The following TERB1 variants were observed in gnomAD, a reference collection of about 807,000 sequenced individuals.
TERB1 encodes the protein telomere repeat binding bouquet formation protein 1.
A neutral mutation model predicts 92.3 loss-of-function variants in TERB1; 63 were observed. That is an observed-to-expected ratio of 0.68 (90% CI 0.56 to 0.84). TERB1 has a LOEUF of 0.84. TERB1 is among the 40% of genes least tolerant of loss of function. The probability of loss-of-function intolerance (pLI) is 0.00; values close to 1 mark genes in which losing one functional copy is unlikely to be tolerated. For missense variants in TERB1, 709 were observed against 843.7 expected (o/e 0.84, Z 1.98); for synonymous variants, 252 against 283.9 (o/e 0.89, Z 1.13).
chr16:66,789,440 C>T lies in TERB1; in HGVS notation c.272-1143G>A, dbSNP rs565269400. 5.8e-4 allele frequency among the ~76,000 whole-genome samples: 45 copies of T among 77,186 alleles called. 13 individuals are homozygous for T. Among genetic ancestry groups the T allele is most frequent in the African/African-American group, 2.6e-3 (39 of 14,830 alleles). 50.6% of individuals were successfully genotyped at this position (77,186 alleles called of 152,430 possible). On this transcript the variant is annotated intron_variant, in intron 5 of 18. Transcript: ENST00000433154. ...TCTACTAAAAATACAAAAAATTAGCCGGGCGTGGTAGCGGGCGCCTGTAGT... is the reference window on the plus strand; with the variant it reads ...TCTACTAAAAATACAAAAAATTAGCTGGGCGTGGTAGCGGGCGCCTGTAGT...
intron 16 of TERB1, among the ~76,000 whole-genome samples, chr16:66,764,068 T>A (rs1417815209): frequency 8.1e-6 from 1 of 122,904 alleles, no homozygotes; most frequent in Admixed American, 8.5e-5. Context: ...TTGAAAGCCA[T>A]GCTAAGGAAT....
At chr16:66,777,157 C>A in intron 11 of TERB1, 46 bp downstream of exon 11, 5 of 1,458,468 alleles carry the variant, frequency 3.4e-6, no homozygotes, top group South Asian at 2.9e-5. Flanking sequence ...AAGTATATTT[C>A]CGCTTTACTA....
chr16:66,774,772 C>A (rs534864164), intron 12 of TERB1, among the ~76,000 whole-genome samples: 5 of 151,864 alleles, frequency 3.3e-5, no homozygotes, highest in Non-Finnish European at 5.9e-5. Flanking sequence ...CAGCCTCGAC[C>A]TGAGCAACTC....
At chr16:66,770,694 G>A (rs776308026) in intron 13 of TERB1, among the ~76,000 whole-genome samples, 2 of 151,666 alleles carry the variant, frequency 1.3e-5, no homozygotes, top group African/African-American at 2.4e-5. Flanking sequence ...TAATATACTC[G>A]ACCACATAAA....
intron 9 of TERB1, among the ~76,000 whole-genome samples, chr16:66,780,252 T>C (rs911259963): frequency 1.3e-5 from 2 of 152,288 alleles, no homozygotes; most frequent in East Asian, 3.9e-4. Context: ...TATTTTCATT[T>C]TTTAAAAATC....
chr16:66,767,086 T>C (rs757457), intron 16 of TERB1, among the ~76,000 whole-genome samples: 76,331 of 151,124 alleles, frequency 0.51, 20,080 homozygotes, highest in African/African-American at 0.64. Context: ...ACCAGCACTT[T>C]GAGAGGCTGA....
At position 66,754,960 on chromosome 16, in the gene TERB1, GAC is replaced by G; in HGVS notation, c.*14_*15del. On this transcript the variant is annotated 3_prime_UTR_variant, in exon 19 of 19. Coordinates refer to ENST00000433154, the MANE Select transcript of TERB1 (RefSeq NM_001136505.2). ...ATTTTAAGAATCCAAACTAAAAACT[GAC>G]AGTCTTCTTTCAATCAAGAAGCTGC... 6.5e-7 allele frequency: 1 copy of G among 1,535,124 alleles called. No individual in the cohort carries two copies. The highest frequency in any genetic ancestry group is 8.7e-7 in the Non-Finnish European group (1 of 1,142,958).
chr16:66,794,914 A>ACACACACACAC (rs1316374992), intron 3 of TERB1, among the ~76,000 whole-genome samples: 7,742 of 82,424 alleles, frequency 0.094, 420 homozygotes, highest in African/African-American at 0.16. Context: ...CGTCTCAAAA[A>ACACACACACAC]AAAAAAAAAC....
chr16:66,775,925 TG>T (rs933804448), intron 11 of TERB1, among the ~76,000 whole-genome samples: 1 of 151,908 alleles, frequency 6.6e-6, no homozygotes, highest in African/African-American at 2.4e-5. Context: ...CTCACCAAGC[TG>T]GTCTTGAACT....
At chr16:66,784,741 AT>A (rs1331360285) in intron 9 of TERB1, among the ~76,000 whole-genome samples, 1 of 140,072 alleles carries the variant, frequency 7.1e-6, no homozygotes, top group Non-Finnish European at 1.5e-5. Context: ...ATTTCTTTTA[AT>A]TTTTAATTTT....
upstream of TERB1, chr16:66,801,680 C>T (rs924121749): frequency 1.3e-5 from 2 of 152,202 alleles, no homozygotes; most frequent in South Asian, 2.1e-4. Context: ...TACGCTTCCG[C>T]GGGTGCCCTA....
intron 18 of TERB1, among the ~76,000 whole-genome samples, 170 bp from the exon 19 acceptor site, chr16:66,755,333 G>A (rs1203243228): frequency 6.6e-6 from 1 of 152,150 alleles, no homozygotes; most frequent in Non-Finnish European, 1.5e-5. Flanking sequence ...AAAAACCTGA[G>A]TGCCTAATAT....
chr16:66,790,694 C>A lies in TERB1; in HGVS notation c.172G>T (p.Gly58Cys). ...AGATTTTTTACAAACATCAAACCACCAATTTCCCGAAAATAAACACTTGCA... is the reference window on the plus strand; with the variant it reads ...AGATTTTTTACAAACATCAAACCACAAATTTCCCGAAAATAAACACTTGCA... Reference protein sequence around the residue: ...SNASVYFREIGGLMFVKNLAK... With the variant: ...SNASVYFREICGLMFVKNLAK... The change falls in exon 5 of 19, where the codon GGT becomes TGT. Residue 58 changes from glycine to cysteine, a missense_variant. Coordinates refer to ENST00000433154, the MANE Select transcript of TERB1 (RefSeq NM_001136505.2). 6.4e-7 allele frequency: 1 copy of A among 1,550,856 alleles called. No homozygotes were observed. Among genetic ancestry groups the A allele is most frequent in the East Asian group, 2.5e-5 (1 of 40,792 alleles).
At chr16:66,779,980 C>T (rs918982165) in intron 9 of TERB1, among the ~76,000 whole-genome samples, 2 of 152,106 alleles carry the variant, frequency 1.3e-5, no homozygotes, top group African/African-American at 4.8e-5. Flanking sequence ...GGCCGGGCAC[C>T]ATGGCTCATG....
chr16:66,759,235 G>C lies in TERB1; in HGVS notation c.1836C>G (p.His612Gln). 1 of 1,549,294 alleles carries C rather than the reference G, an allele frequency of 6.5e-7. No homozygotes were observed. Among genetic ancestry groups the C allele is most frequent in the South Asian group, 1.2e-5 (1 of 83,286 alleles). The stretch of plus-strand genomic sequence containing the variant: ...GACGATCACATTGGTATGGGCAAGA[G>C]TGCAAGAGCTTGCTAAAGTTTCGGC... ...LNSRNFSKLL[H>Q]SCPYQCDRHK... The change falls in exon 17 of 19, where the codon CAC becomes CAG. Residue 612 changes from histidine to glutamine, a missense_variant. Transcript: ENST00000433154.
chr16:66,768,091 T>G lies in TERB1; in HGVS notation c.1684+13A>C. On this transcript the variant is annotated intron_variant, in intron 15 of 18. Transcript: ENST00000433154. The stretch of plus-strand genomic sequence containing the variant: ...GTTTTATTAAAAAACCAAAGAAACA[T>G]TTTTAATCATACCTGTTACTGGTAA... The G allele has an allele frequency of 6.5e-7, 1 of 1,540,746 alleles. No individual in the cohort carries two copies. The highest frequency in any genetic ancestry group is 1.2e-5 in the South Asian group (1 of 83,488).
At chr16:66,772,522 G>A (rs976051800) in intron 13 of TERB1, 67 bp downstream of exon 13, 1 of 1,379,802 alleles carries the variant, frequency 7.2e-7, no homozygotes, top group East Asian at 2.5e-5. Context: ...GTGTAGTATG[G>A]AGAAAAAAGA....
Position 66,754,960 on chromosome 16 carries a change from G to A in TERB1, c.*16C>T, listed in dbSNP as rs2018111464. 1 of 1,535,124 alleles carries A rather than the reference G, an allele frequency of 6.5e-7. No homozygotes were observed. Among genetic ancestry groups the A allele is most frequent in the Non-Finnish European group, 8.7e-7 (1 of 1,142,958 alleles). On this transcript the variant is annotated 3_prime_UTR_variant, in exon 19 of 19. Transcript: ENST00000433154. ...ATTTTAAGAATCCAAACTAAAAACT[G>A]ACAGTCTTCTTTCAATCAAGAAGCT...
At chr16:66,777,994 A>G (rs1222895183) in intron 10 of TERB1, among the ~76,000 whole-genome samples, 1 of 152,224 alleles carries the variant, frequency 6.6e-6, no homozygotes, top group Non-Finnish European at 1.5e-5. Context: ...AGCTCCACAC[A>G]TAGCAGGTCC....
Sources: gnomAD v4.1 joint callset for allele counts (sites outside exome capture counted in the v4.1 genomes callset) on GRCh38, gnomAD v4.1.1 for gene constraint, MANE v1.5 for transcripts, NCBI Gene and HGNC (gene_info 2026-07-23, HGNC 2026-07-21) for gene names.